TCF4: variants seen among roughly 807,000 people sequenced by gnomAD.
TCF4 encodes transcription factor 4.
TCF4 carries 3 observed loss-of-function variants against 82.1 expected under a neutral mutation model. That is an observed-to-expected ratio of 0.04 (90% CI 0.02 to 0.09). The LOEUF (loss-of-function observed/expected upper bound fraction) is 0.09. Ranked by LOEUF, TCF4 falls within the 10% of genes least tolerant of loss-of-function variation. The pLI is 1.00. For missense variants in TCF4, 518 were observed against 852.7 expected (o/e 0.61, Z 4.89); for synonymous variants, 276 against 309.6 (o/e 0.89, Z 1.14).
chr18:55,503,711 C>CAATGGTACT lies in TCF4; in HGVS notation c.146-39575_146-39574insAGTACCATT, dbSNP rs1377542432. ...TCTTGGGGAACTCCGTTTCTTTAGGCAATATGGCCCTGTAGACTTAACAAC... is the reference window on the plus strand; with the variant it reads ...TCTTGGGGAACTCCGTTTCTTTAGGCAATGGTACTAATATGGCCCTGTAGACTTAACAAC... On this transcript the variant is annotated intron_variant, in intron 3 of 19. Coordinates refer to ENST00000354452, the MANE Select transcript of TCF4 (RefSeq NM_001083962.2). 3.7e-4 allele frequency among the ~76,000 whole-genome samples: 56 copies of CAATGGTACT among 152,288 alleles called. 1 individual carries two copies. The South Asian group carries it at 9.3e-3, about 25-fold the overall frequency.
chr18:55,421,209 TAC>T (rs1270340309), intron 5 of TCF4, among the ~76,000 whole-genome samples: 2 of 152,128 alleles, frequency 1.3e-5, no homozygotes, highest in East Asian at 1.9e-4. Flanking sequence ...CATGCCTGTG[TAC>T]ACACACACAG....
intron 8 of TCF4, chr18:55,302,428 T>G (rs1296125170): frequency 6.5e-6 from 10 of 1,536,336 alleles, no homozygotes; most frequent in Non-Finnish European, 8.7e-6. Context: ...CTGCTTTCCC[T>G]TCGTGGTCCA....
intron 3 of TCF4, among the ~76,000 whole-genome samples, chr18:55,503,373 A>G (rs182443572): frequency 4.3e-4 from 65 of 152,296 alleles, no homozygotes; most frequent in Admixed American, 9.8e-4. Context: ...CATCATCATC[A>G]TCATCATCAC....
intron 6 of TCF4, among the ~76,000 whole-genome samples, chr18:55,392,814 C>T (rs2093248247): frequency 6.6e-6 from 1 of 152,082 alleles, no homozygotes. Flanking sequence ...GATATATACA[C>T]ATATATGTTT....
At position 55,261,527 on chromosome 18, in the gene TCF4, C is replaced by T. The variant is rs1166273670; in HGVS notation, c.929G>A (p.Arg310Lys). The T allele has an allele frequency of 6.2e-7, 1 of 1,613,916 alleles. No individual in the cohort carries two copies. The highest frequency in any genetic ancestry group is 1.1e-5 in the South Asian group (1 of 91,082). The change falls in exon 12 of 20, where the codon AGA (arginine) becomes AAA (lysine). Residue 310 changes from arginine to lysine, a missense_variant. Physicochemically the swap from Arg to Lys is conservative, Grantham distance 26. Coordinates refer to ENST00000354452, the MANE Select transcript of TCF4 (RefSeq NM_001083962.2). Reference protein sequence around the residue: ...ANGTDSIMANRGSGAAGSSQT... With the variant: ...ANGTDSIMANKGSGAAGSSQT... ...GGAGCTGCCGGCTGCCCCGCTTCCT[C>T]TATTTGCTGCAAAAACAAAAGGCAG...
intron 6 of TCF4, among the ~76,000 whole-genome samples, chr18:55,398,317 G>A (rs2093617053): frequency 6.6e-6 from 1 of 152,142 alleles, no homozygotes; most frequent in Admixed American, 6.5e-5. Flanking sequence ...CAGGCCCTGT[G>A]ATGTCTGAAA....
At chr18:55,583,842 T>C (rs1481079286) in intron 3 of TCF4, among the ~76,000 whole-genome samples, 1 of 152,058 alleles carries the variant, frequency 6.6e-6, no homozygotes, top group East Asian at 1.9e-4. Context: ...ACATCAAACA[T>C]GCATATTAAT....
rs141970461 is a variant in TCF4 at position 55,226,024 on chromosome 18, T to TAA, written c.*2009_*2010dup. On this transcript the variant is annotated 3_prime_UTR_variant, in exon 20 of 20. Coordinates refer to ENST00000354452, the MANE Select transcript of TCF4 (RefSeq NM_001083962.2). The stretch of plus-strand genomic sequence containing the variant: ...AGACTTCTTTTTAAACCACAGTTTT[T>TAA]AAAAAAAAACAAAAACTGATACAAT... The TAA allele has an allele frequency of 1.1e-3, 162 of 151,348 alleles. No homozygotes were observed. Among genetic ancestry groups the TAA allele is most frequent in the Non-Finnish European group, 1.9e-3 (129 of 67,640 alleles). 9.4% of individuals were successfully genotyped at this position (151,348 alleles called of 1,614,324 possible). A position where few individuals can be genotyped will look rare whatever the true frequency, so the allele number is the denominator to read the frequency against.
intron 3 of TCF4, among the ~76,000 whole-genome samples, chr18:55,518,406 A>G (rs1418436099): frequency 1.3e-5 from 2 of 152,210 alleles, no homozygotes; most frequent in Non-Finnish European, 2.9e-5. Context: ...GTGCAAAGAT[A>G]CAGAAATAAC....
Position 55,227,234 on chromosome 18 carries a change from G to A in TCF4, c.*801C>T, listed in dbSNP as rs2046709312. On this transcript the variant is annotated 3_prime_UTR_variant, in exon 20 of 20. Coordinates refer to ENST00000354452, the MANE Select transcript of TCF4 (RefSeq NM_001083962.2). ...GTTACGATAACAAACCAGGGAAAGG[G>A]ACAGAAATAAGACCAAAAAAAAAAA... 1 of 143,844 alleles carries A rather than the reference G, an allele frequency of 7.0e-6. No individual in the cohort carries two copies. The highest frequency in any genetic ancestry group is 2.7e-5 in the African/African-American group (1 of 37,550). 8.9% of individuals were successfully genotyped at this position (143,844 alleles called of 1,614,324 possible). A position where few individuals can be genotyped will look rare whatever the true frequency, so the allele number is the denominator to read the frequency against.
At chr18:55,326,982 G>A (rs1332360296) in intron 8 of TCF4, among the ~76,000 whole-genome samples, 1 of 152,088 alleles carries the variant, frequency 6.6e-6, no homozygotes, top group Non-Finnish European at 1.5e-5. Flanking sequence ...TTACTAACAG[G>A]AGGACGCAGA....
intron 6 of TCF4, among the ~76,000 whole-genome samples, chr18:55,383,524 G>A (rs975268691): frequency 6.6e-6 from 1 of 152,154 alleles, no homozygotes; most frequent in Non-Finnish European, 1.5e-5. Context: ...CCCAGTAGAT[G>A]CTCAAATAGA....
intron 8 of TCF4, among the ~76,000 whole-genome samples, chr18:55,324,686 C>G (rs964274361): frequency 1.3e-5 from 2 of 151,960 alleles, no homozygotes; most frequent in African/African-American, 4.8e-5. Context: ...ACCACCCCCA[C>G]CCCCCATGCC....
chr18:55,517,626 T>C lies in TCF4; in HGVS notation c.146-53489A>G, dbSNP rs117307729. 1.9e-3 allele frequency among the ~76,000 whole-genome samples: 289 copies of C among 152,260 alleles called. 1 individual carries two copies. The highest frequency in any genetic ancestry group is 3.5e-3 in the Non-Finnish European group (240 of 68,016). On this transcript the variant is annotated intron_variant, in intron 3 of 19. Transcript: ENST00000354452. Reference sequence around the variant, plus strand: ...TGTACAATATAAGAGAAAATGGAGATATGAATAATTCCCTAGAGGTTAAGT... The same window carrying C: ...TGTACAATATAAGAGAAAATGGAGACATGAATAATTCCCTAGAGGTTAAGT...
intron 3 of TCF4, among the ~76,000 whole-genome samples, chr18:55,497,988 A>G (rs1276072142): frequency 6.6e-6 from 1 of 152,254 alleles, no homozygotes; most frequent in Non-Finnish European, 1.5e-5. Flanking sequence ...ATACCTACTG[A>G]CAAAAAATAA....
intron 8 of TCF4, among the ~76,000 whole-genome samples, chr18:55,283,497 A>G (rs1224896507): frequency 1.3e-5 from 2 of 152,196 alleles, no homozygotes; most frequent in African/African-American, 4.8e-5. Flanking sequence ...CTCTTGTGGA[A>G]CCACTTTGGT....
At position 55,313,515 on chromosome 18, in the gene TCF4, G is replaced by T. The variant is rs1195073626; in HGVS notation, c.550-33859C>A. On this transcript the variant is annotated intron_variant, in intron 8 of 19. Transcript: ENST00000354452. ...TTCAATCCAAATTTAATGTCATTAC[G>T]TTTCAAAGACTATAATGACATTCCT... Among the ~76,000 whole-genome samples, 4 of 151,922 alleles carry T rather than the reference G, an allele frequency of 2.6e-5. No individual in the cohort carries two copies. The East Asian group carries it at 7.7e-4, about 29-fold the overall frequency.
At chr18:55,330,729 T>C (rs552614269) in intron 8 of TCF4, among the ~76,000 whole-genome samples, 1 of 151,224 alleles carries the variant, frequency 6.6e-6, no homozygotes, top group Non-Finnish European at 1.5e-5. Context: ...CTACCACGCC[T>C]GGCTAATTTT....
intron 8 of TCF4, among the ~76,000 whole-genome samples, chr18:55,317,404 A>C (rs1463614756): frequency 6.6e-6 from 1 of 152,068 alleles, no homozygotes. Flanking sequence ...TTCTGAAAAT[A>C]GTAAGTATAA....
Sources: allele counts gnomAD v4.1 joint callset (sites outside exome capture counted in the v4.1 genomes callset), GRCh38; gene constraint gnomAD v4.1.1; transcripts MANE v1.5; gene names NCBI Gene and HGNC (gene_info 2026-07-23, HGNC 2026-07-21).